The following DNAJB14 variants were observed in gnomAD, a reference collection of about 807,000 sequenced individuals.
DNAJB14 encodes dnaJ homolog subfamily B member 14.
Under a neutral mutation model 48.4 loss-of-function variants are expected in DNAJB14, and 22 were observed. The ratio of observed to expected loss-of-function variants is 0.45; its 90% CI spans 0.32 to 0.65. DNAJB14 has a LOEUF of 0.65. Ranked by LOEUF, DNAJB14 falls within the 30% of genes least tolerant of loss-of-function variation. The pLI, the probability that DNAJB14 is intolerant of heterozygous loss-of-function variation, is 0.03. For missense variants in DNAJB14, 319 were observed against 458.8 expected (o/e 0.70, Z 2.78); for synonymous variants, 142 against 158.7 (o/e 0.89, Z 0.79).
intron 3 of DNAJB14, among the ~76,000 whole-genome samples, chr4:99,915,797 ATTG>A (rs1725833840): frequency 6.6e-6 from 1 of 152,152 alleles, no homozygotes; most frequent in Non-Finnish European, 1.5e-5. Flanking sequence ...TTTCTGTCTA[ATTG>A]TTCTATCAAT....
At chr4:99,930,919 G>T (rs1024179852) in intron 1 of DNAJB14, among the ~76,000 whole-genome samples, 3 of 152,108 alleles carry the variant, frequency 2.0e-5, no homozygotes, top group African/African-American at 7.2e-5. Context: ...AAGAAAAAGA[G>T]GTAAGTCTTT....
intron 1 of DNAJB14, among the ~76,000 whole-genome samples, chr4:99,937,920 A>G (rs1013081844): frequency 2.3e-4 from 31 of 133,270 alleles, no homozygotes; most frequent in African/African-American, 8.6e-4. Context: ...GTCTCTATTT[A>G]TTTAAAAAAA....
intron 5 of DNAJB14, 98 bp from the exon 6 acceptor site, chr4:99,905,804 GATC>G: frequency 7.4e-7 from 1 of 1,354,144 alleles, no homozygotes; most frequent in South Asian, 1.3e-5. Flanking sequence ...GCGCATTTGA[GATC>G]ATCTAGTTCA....
intron 7 of DNAJB14, among the ~76,000 whole-genome samples, chr4:99,903,312 T>C (rs555700855): frequency 6.6e-6 from 1 of 152,112 alleles, no homozygotes; most frequent in East Asian, 1.9e-4. Context: ...TCATTGTACA[T>C]TAAATTCTAA....
chr4:99,926,135 G>A (rs188921614), intron 2 of DNAJB14: 9 of 152,260 alleles, frequency 5.9e-5, no homozygotes, highest in Non-Finnish European at 1.5e-5. Flanking sequence ...AATTCCTCAG[G>A]ACTAGGTTTG....
intron 1 of DNAJB14, among the ~76,000 whole-genome samples, chr4:99,936,415 T>C (rs774745554): frequency 3.3e-5 from 5 of 152,196 alleles, no homozygotes; most frequent in Non-Finnish European, 7.3e-5. Flanking sequence ...CAAATTACTA[T>C]AAATATGTGT....
At chr4:99,901,186 T>G in intron 7 of DNAJB14, 34 bp from the exon 8 acceptor site, 1 of 1,556,586 alleles carries the variant, frequency 6.4e-7, no homozygotes, top group Non-Finnish European at 8.7e-7. Flanking sequence ...GCTAATTGAA[T>G]AAAATTTTTG....
chr4:99,908,736 T>A lies in DNAJB14; in HGVS notation c.612A>T (p.Ile204=). The A allele has an allele frequency of 6.3e-7, 1 of 1,593,968 alleles. No homozygotes were observed. Among genetic ancestry groups the A allele is most frequent in the Non-Finnish European group, 8.5e-7 (1 of 1,173,468 alleles). Residue 204 remains isoleucine (I), a synonymous_variant, in exon 4 of 8, where the codon ATA becomes ATT. Transcript: ENST00000442697. ...ADITPEDLFN[I]FFGGGFPSGS... ...CTGAAGGAAATCCACCCCCAAAAAA[T>A]ATATTAAACAAGTCTTCTGGAGTTA...
intron 1 of DNAJB14, among the ~76,000 whole-genome samples, chr4:99,934,026 T>C (rs532382635): frequency 2.6e-4 from 39 of 152,196 alleles, no homozygotes; most frequent in African/African-American, 8.7e-4. Flanking sequence ...ACAATAAAGC[T>C]TTAAAGGCAT....
intron 5 of DNAJB14, 21 bp from the exon 6 acceptor site, chr4:99,905,727 A>G (rs749257332): frequency 1.3e-6 from 2 of 1,599,280 alleles, no homozygotes; most frequent in South Asian, 2.2e-5. Flanking sequence ...TGATCAAAGA[A>G]TAACAAATTG....
At chr4:99,907,620 C>T (rs1391099530) in intron 4 of DNAJB14, among the ~76,000 whole-genome samples, 2 of 152,044 alleles carry the variant, frequency 1.3e-5, no homozygotes, top group Non-Finnish European at 2.9e-5. Flanking sequence ...TGAGGCTGCA[C>T]TGAGCTATGA....
chr4:99,900,927 T>C lies in DNAJB14; in HGVS notation c.*101A>G. The C allele has an allele frequency of 2.3e-6, 3 of 1,321,882 alleles. No individual in the cohort carries two copies. The East Asian group carries it at 7.6e-5, about 34-fold the overall frequency. 81.9% of individuals were successfully genotyped at this position (1,321,882 alleles called of 1,614,324 possible). A position where few individuals can be genotyped will look rare whatever the true frequency, so the allele number is the denominator to read the frequency against. ...TTCAGGAACCAACTATTCAGTTTAG[T>C]TTTCAGTATCAAATCTTTTCCTTCA... On this transcript the variant is annotated 3_prime_UTR_variant, in exon 8 of 8. Transcript: ENST00000442697.
At chr4:99,935,045 C>T (rs1383405867) in intron 1 of DNAJB14, among the ~76,000 whole-genome samples, 2 of 151,160 alleles carry the variant, frequency 1.3e-5, no homozygotes, top group African/African-American at 4.9e-5. Flanking sequence ...CAAATATTAA[C>T]AGTAAAGATC....
Position 99,897,034 on chromosome 4 carries a change from G to GA in DNAJB14, c.*3993dup, listed in dbSNP as rs1427857262. The stretch of plus-strand genomic sequence containing the variant: ...AATAGGAATCTCTCCATTAAAATAT[G>GA]AAAAAGAGCAACAAATAATTCACAC... On this transcript the variant is annotated 3_prime_UTR_variant, in exon 8 of 8. Coordinates refer to ENST00000442697, the MANE Select transcript of DNAJB14 (RefSeq NM_001031723.4). 1 of 151,904 alleles carries GA rather than the reference G, an allele frequency of 6.6e-6. No homozygotes were observed. The highest frequency in any genetic ancestry group is 2.4e-5 in the African/African-American group (1 of 41,396). 9.4% of individuals were successfully genotyped at this position (151,904 alleles called of 1,614,324 possible).
chr4:99,943,576 C>T (rs940856878), intron 1 of DNAJB14, among the ~76,000 whole-genome samples: 8 of 152,164 alleles, frequency 5.3e-5, no homozygotes, highest in Admixed American at 1.3e-4. Flanking sequence ...ATTTAATCCT[C>T]ACAACAGCAC....
intron 3 of DNAJB14, among the ~76,000 whole-genome samples, chr4:99,920,185 G>A (rs1726004601): frequency 6.6e-6 from 1 of 152,090 alleles, no homozygotes; most frequent in Admixed American, 6.5e-5. Context: ...TTAAATGTGA[G>A]GCATTACTAT....
Position 99,908,792 on chromosome 4 carries a change from A to C in DNAJB14, c.556T>G (p.Phe186Val). Residue 186 changes from phenylalanine to valine, a missense_variant, in exon 4 of 8, where the codon TTT becomes GTT. Transcript: ENST00000442697. ...GCTTCACAACCTCTATGGAAATTAA[A>C]TCTGCCATTGTTTTGGTGGTTACAT... Reference protein sequence around the residue: ...QACNHQNNGRFNFHRGCEADI... With the variant: ...QACNHQNNGRVNFHRGCEADI... 2 of 1,612,538 alleles carry C rather than the reference A, an allele frequency of 1.2e-6. No homozygotes were observed. Among genetic ancestry groups the C allele is most frequent in the Non-Finnish European group, 1.7e-6 (2 of 1,179,120 alleles).
At chr4:99,929,800 T>C (rs963572723) in intron 2 of DNAJB14, 1 of 152,196 alleles carries the variant, frequency 6.6e-6, no homozygotes, top group African/African-American at 2.4e-5. Context: ...CCTAGCAAAG[T>C]AATATCAGCA....
At chr4:99,919,812 G>A (rs148634137) in intron 3 of DNAJB14, among the ~76,000 whole-genome samples, 1 of 152,290 alleles carries the variant, frequency 6.6e-6, no homozygotes, top group Non-Finnish European at 1.5e-5. Flanking sequence ...GAAAGTGGAA[G>A]TCCTCATGGA....
Sources: gnomAD v4.1 joint callset for allele counts (sites outside exome capture counted in the v4.1 genomes callset) on GRCh38, gnomAD v4.1.1 for gene constraint, MANE v1.5 for transcripts, NCBI Gene and HGNC (gene_info 2026-07-23, HGNC 2026-07-21) for gene names.